The following PHF20 variants were observed in gnomAD, a reference collection of about 807,000 sequenced individuals.
PHF20 encodes the protein glioma-expressed antigen 2.
In PHF20, 23 loss-of-function variants were observed where a neutral mutation model predicts 113.5. That is an observed-to-expected ratio of 0.20 (90% CI 0.15 to 0.29). The LOEUF (loss-of-function observed/expected upper bound fraction) is 0.29, where lower values mean the gene tolerates loss of function less well. Among genes scored for constraint, PHF20 ranks in the 10% least tolerant of loss-of-function variants. The pLI is 1.00. For missense variants in PHF20, 943 were observed against 1,219.6 expected, an observed-to-expected ratio of 0.77 and a Z score of 3.38; for synonymous variants, 434 against 457.3, an observed-to-expected ratio of 0.95 and a Z score of 0.65.
intron 1 of PHF20, among the ~76,000 whole-genome samples, chr20:35,772,293 C>A (rs1353126906): frequency 6.6e-6 from 1 of 151,726 alleles, no homozygotes; most frequent in South Asian, 2.1e-4. Flanking sequence ...GGTGCCCAAT[C>A]CCCGGGGCTA....
Position 35,906,550 on chromosome 20 carries a change from T to G in PHF20, c.1562-6699T>G, listed in dbSNP as rs6088966. 6.8e-3 allele frequency among the ~76,000 whole-genome samples: 1,034 copies of G among 152,204 alleles called. 4 individuals carry two copies. Among genetic ancestry groups the G allele is most frequent in the Non-Finnish European group, 0.01 (709 of 67,992 alleles). ...CTTTCTCCCCGTTGTTCCACCAGGC[T>G]CTGAAGGTTCCTGGGCCTTGCTTTC... On this transcript the variant is annotated intron_variant, in intron 10 of 17. Coordinates refer to ENST00000374012, the MANE Select transcript of PHF20 (RefSeq NM_016436.5).
intron 9 of PHF20, among the ~76,000 whole-genome samples, chr20:35,895,269 C>T (rs150799412): frequency 0.015 from 2,249 of 152,258 alleles, 59 homozygotes; most frequent in African/African-American, 0.052. Flanking sequence ...AGTGATCTGC[C>T]CACCTCAGCC....
intron 9 of PHF20, among the ~76,000 whole-genome samples, chr20:35,893,682 GC>G (rs2054921144): frequency 6.6e-6 from 1 of 151,230 alleles, no homozygotes; most frequent in South Asian, 2.1e-4. Flanking sequence ...TGGTGTGATC[GC>G]AGCTCATTTC....
At chr20:35,909,263 T>C (rs2147075459) in intron 10 of PHF20, among the ~76,000 whole-genome samples, 1 of 65,144 alleles carries the variant, frequency 1.5e-5, no homozygotes, top group East Asian at 4.4e-4. Flanking sequence ...GCTGTGACTT[T>C]CAGTGGCAAA....
chr20:35,810,438 A>G (rs775750119), intron 2 of PHF20, among the ~76,000 whole-genome samples: 33 of 151,996 alleles, frequency 2.2e-4, no homozygotes, highest in Non-Finnish European at 3.5e-4. Context: ...CCTTTTTGTT[A>G]TATGCACAAA....
At chr20:35,860,406 A>G (rs1007018147) in intron 5 of PHF20, among the ~76,000 whole-genome samples, 4 of 150,138 alleles carry the variant, frequency 2.7e-5, no homozygotes, top group African/African-American at 9.9e-5. Flanking sequence ...ATGCCCAGCT[A>G]ATTTTTGTAT....
intron 13 of PHF20, among the ~76,000 whole-genome samples, chr20:35,925,762 T>A (rs564385710): frequency 6.6e-6 from 1 of 152,144 alleles, no homozygotes; most frequent in East Asian, 1.9e-4. Flanking sequence ...ATCTTTTAGT[T>A]TGTTTATTAT....
chr20:35,853,719 C>G (rs1040520350), intron 4 of PHF20, among the ~76,000 whole-genome samples: 2 of 151,912 alleles, frequency 1.3e-5, no homozygotes, highest in Non-Finnish European at 1.5e-5. Context: ...GTTCGTACCA[C>G]TACACTCCAG....
chr20:35,885,984 A>G (rs2054723480), intron 9 of PHF20, among the ~76,000 whole-genome samples: 1 of 151,952 alleles, frequency 6.6e-6, no homozygotes, highest in Non-Finnish European at 1.5e-5. Context: ...ATTCTGCCTT[A>G]GGGGGGTTTA....
At chr20:35,773,900 ACT>A (rs1940831004) in intron 1 of PHF20, among the ~76,000 whole-genome samples, 1 of 151,760 alleles carries the variant, frequency 6.6e-6, no homozygotes, top group Non-Finnish European at 1.5e-5. Context: ...AACAAACAAA[ACT>A]CTCAGATTTT....
At chr20:35,890,031 A>G (rs370864759) in intron 9 of PHF20, among the ~76,000 whole-genome samples, 1 of 133,990 alleles carries the variant, frequency 7.5e-6, no homozygotes, top group Non-Finnish European at 1.6e-5. Flanking sequence ...CCCTGGCCCT[A>G]TTTATTTATT....
intron 1 of PHF20, among the ~76,000 whole-genome samples, chr20:35,781,719 T>C (rs1280084267): frequency 6.6e-6 from 1 of 151,992 alleles, no homozygotes; most frequent in Non-Finnish European, 1.5e-5. Context: ...CTGAGGCAGG[T>C]AGATCACTTG....
chr20:35,871,112 T>G lies in PHF20; in HGVS notation c.1080T>G (p.Ser360=), dbSNP rs866320760. 2.5e-6 allele frequency: 4 copies of G among 1,611,050 alleles called. No homozygotes were observed. In the Middle Eastern group the frequency reaches 6.6e-4, roughly 266 times the overall value. ...CGGATCCTTTGCAAGACACGTTGTC[T>G]AGTACCAAGGAATCTGAAGAAGGTG... ...VDTDPLQDTL[S]STKESEEGQL... The change falls in exon 8 of 18, where the codon TCT becomes TCG. Residue 360 remains serine, a synonymous_variant. Coordinates refer to ENST00000374012, the MANE Select transcript of PHF20 (RefSeq NM_016436.5).
chr20:35,947,461 C>T (rs543187429), intron 17 of PHF20, 24 bp from the exon 18 acceptor site: 2 of 1,611,192 alleles, frequency 1.2e-6, no homozygotes, highest in Admixed American at 1.7e-5. Flanking sequence ...TTCACTAGGT[C>T]TCATCTCTCT....
chr20:35,908,318 T>A (rs1200476797), intron 10 of PHF20, among the ~76,000 whole-genome samples: 1 of 152,238 alleles, frequency 6.6e-6, no homozygotes, highest in East Asian at 1.9e-4. Flanking sequence ...CTCTGTGTCT[T>A]TTCTAGGGCC....
chr20:35,872,693 T>C (rs2054444097), intron 9 of PHF20, among the ~76,000 whole-genome samples: 1 of 152,240 alleles, frequency 6.6e-6, no homozygotes, highest in Non-Finnish European at 1.5e-5. Context: ...TGAAGTATTT[T>C]ATGTTTTTGT....
chr20:35,947,831 G>A lies in PHF20; in HGVS notation c.*204G>A. The A allele has an allele frequency of 1.8e-6, 1 of 553,208 alleles. No individual in the cohort carries two copies. The highest frequency in any genetic ancestry group is 3.2e-6 in the Non-Finnish European group (1 of 309,058). 34.3% of individuals were successfully genotyped at this position (553,208 alleles called of 1,614,324 possible). ...CTCTGATCTCGAAGCCTGCCATAAA[G>A]GTAGCAAATAGACTCTTGGGATTCC... is the stretch of plus-strand genomic sequence containing the variant. On this transcript the variant is annotated 3_prime_UTR_variant, in exon 18 of 18. Coordinates refer to ENST00000374012, the MANE Select transcript of PHF20 (RefSeq NM_016436.5).
At position 35,939,019 on chromosome 20, in the gene PHF20, G is replaced by A. The variant is rs751975814; in HGVS notation, c.2623G>A (p.Gly875Ser). ...TGCGGTCAACCCCCTCCATGAGAAC[G>A]GCGATGATTCCCTTTCCCCGCGCCT... Reference protein sequence around the residue: ...DDAVNPLHENGDDSLSPRLGW... With the variant: ...DDAVNPLHENSDDSLSPRLGW... The change falls in exon 16 of 18, where the codon GGC becomes AGC. Residue 875 changes from glycine (G) to serine (S), a missense_variant. Gly to Ser is a moderately conservative substitution (Grantham distance 56). Transcript: ENST00000374012. The A allele has an allele frequency of 7.4e-6, 12 of 1,614,062 alleles. No individual in the cohort carries two copies. The highest frequency in any genetic ancestry group is 1.7e-5 in the Admixed American group (1 of 60,006).
chr20:35,899,648 A>G lies in PHF20; in HGVS notation c.1561A>G (p.Thr521Ala). ...TRKRVSASSPTTKDKEKNKEK... is the reference protein window; with the variant it reads ...TRKRVSASSPATKDKEKNKEK... ...GAAGCGGGTCTCTGCCAGTTCCCCA[A>G]GTAAGTATCTTCATTCTTCATTGTG... Residue 521 changes from threonine (T) to alanine (A), a missense_variant and splice_region_variant, in exon 10 of 18, where the codon ACT (threonine) becomes GCT (alanine). Thr to Ala is a moderately conservative substitution (Grantham distance 58). Transcript: ENST00000374012. 6.2e-7 allele frequency: 1 copy of G among 1,613,516 alleles called. No individual in the cohort carries two copies. The highest frequency in any genetic ancestry group is 1.1e-5 in the South Asian group (1 of 91,038).
Sources: allele counts gnomAD v4.1 joint callset (sites outside exome capture counted in the v4.1 genomes callset), GRCh38; gene constraint gnomAD v4.1.1; transcripts MANE v1.5; gene names NCBI Gene and HGNC (gene_info 2026-07-23, HGNC 2026-07-21).